The following ELF2 variants were observed in gnomAD, a reference collection of about 807,000 sequenced individuals.
ELF2 encodes the protein ETS-related transcription factor Elf-2.
Under a neutral mutation model 54.8 loss-of-function variants are expected in ELF2, and 11 were observed. The observed-to-expected ratio is 0.20, with a 90% CI of 0.13 to 0.33. ELF2 has a LOEUF of 0.33. Among genes scored for constraint, ELF2 ranks in the 10% least tolerant of loss-of-function variants. The pLI is 1.00. For synonymous variants in ELF2, 203 were observed against 245.1 expected (o/e 0.83, Z 1.61); for missense variants, 513 against 703.0 (o/e 0.73, Z 3.06).
intron 1 of ELF2, among the ~76,000 whole-genome samples, chr4:139,153,802 GTTTAC>G (rs932236480): frequency 4.6e-5 from 7 of 152,170 alleles, no homozygotes; most frequent in Admixed American, 3.9e-4. Context: ...TGATTCCTCT[GTTTAC>G]TTTATCTTAT....
At chr4:139,109,405 G>T (rs1252713316) in intron 4 of ELF2, among the ~76,000 whole-genome samples, 1 of 152,184 alleles carries the variant, frequency 6.6e-6, no homozygotes, top group East Asian at 1.9e-4. Flanking sequence ...TATTAAATGA[G>T]AATTTTAGTC....
chr4:139,166,605 A>G (rs1211858892), intron 1 of ELF2, among the ~76,000 whole-genome samples: 1 of 152,198 alleles, frequency 6.6e-6, no homozygotes, highest in Non-Finnish European at 1.5e-5. Context: ...ACGGTGGCTC[A>G]CGCCTGTAAT....
intron 4 of ELF2, among the ~76,000 whole-genome samples, chr4:139,115,741 A>G (rs978564193): frequency 6.6e-6 from 1 of 152,192 alleles, no homozygotes; most frequent in Non-Finnish European, 1.5e-5. Context: ...TTAAAAGTTT[A>G]TATTTGGCAG....
chr4:139,080,220 T>A (rs1357393056), intron 4 of ELF2, among the ~76,000 whole-genome samples: 2 of 152,232 alleles, frequency 1.3e-5, no homozygotes, highest in East Asian at 3.8e-4. Context: ...TGTAACTCAG[T>A]TTTTACATGA....
intron 7 of ELF2, chr4:139,067,174 C>T (rs973604309): frequency 6.6e-6 from 1 of 151,796 alleles, no homozygotes; most frequent in African/African-American, 2.4e-5. Context: ...GCCTGTGGTC[C>T]CAGCAACTCA....
At chr4:139,084,488 G>A in intron 4 of ELF2, 2 of 978,480 alleles carry the variant, frequency 2.0e-6, no homozygotes, top group Non-Finnish European at 2.5e-6. Flanking sequence ...CGCCGCAGCT[G>A]GCAACGCGAT....
chr4:139,173,892 A>C (rs1453553493), intron 1 of ELF2, among the ~76,000 whole-genome samples: 1 of 151,730 alleles, frequency 6.6e-6, no homozygotes, highest in Admixed American at 6.6e-5. Context: ...GTTCAAGACT[A>C]CCCTGGGTAA....
chr4:139,090,923 T>C (rs984520093), intron 4 of ELF2, among the ~76,000 whole-genome samples: 2 of 149,662 alleles, frequency 1.3e-5, no homozygotes, highest in African/African-American at 5.1e-5. Flanking sequence ...GTTTGTTTTG[T>C]TTTGTTTTGT....
intron 1 of ELF2, among the ~76,000 whole-genome samples, chr4:139,154,491 A>G (rs1186392810): frequency 6.6e-6 from 1 of 152,026 alleles, no homozygotes; most frequent in Non-Finnish European, 1.5e-5. Context: ...CCAAATCACT[A>G]AGCCAAAAGG....
At chr4:139,067,224 A>G (rs1728836615) in intron 7 of ELF2, 1 of 152,704 alleles carries the variant, frequency 6.5e-6, no homozygotes, top group African/African-American at 2.4e-5. Flanking sequence ...CCAGGAGGTC[A>G]AGGCTGCAAT....
chr4:139,115,382 G>A (rs1319792437), intron 4 of ELF2: 6 of 1,040,432 alleles, frequency 5.8e-6, no homozygotes, highest in East Asian at 7.7e-5. Context: ...CATGGCGGCC[G>A]CCGGGGCCAC....
chr4:139,159,531 T>G (rs770348601), intron 1 of ELF2, among the ~76,000 whole-genome samples: 1 of 152,164 alleles, frequency 6.6e-6, no homozygotes, highest in East Asian at 1.9e-4. Context: ...GGGATAGAAG[T>G]TGGAACTCTA....
chr4:139,112,508 T>C (rs1221288901), intron 4 of ELF2, among the ~76,000 whole-genome samples: 5 of 152,226 alleles, frequency 3.3e-5, no homozygotes, highest in African/African-American at 1.2e-4. Context: ...AATGGAGGTA[T>C]GGATTTGCCT....
At chr4:139,102,719 T>C (rs1344796611) in intron 4 of ELF2, among the ~76,000 whole-genome samples, 1 of 150,618 alleles carries the variant, frequency 6.6e-6, no homozygotes, top group African/African-American at 2.4e-5. Flanking sequence ...CGGGCACCTG[T>C]AATCCCAGCT....
At chr4:139,078,651 T>G (rs1730656051) in intron 4 of ELF2, among the ~76,000 whole-genome samples, 1 of 151,652 alleles carries the variant, frequency 6.6e-6, no homozygotes. Context: ...AGAAATTAAG[T>G]TTAAATTAAT....
intron 1 of ELF2, among the ~76,000 whole-genome samples, chr4:139,154,112 G>A (rs1438914075): frequency 6.6e-6 from 1 of 152,128 alleles, no homozygotes; most frequent in Admixed American, 6.6e-5. Flanking sequence ...ATTCAAACTT[G>A]CCTCAGTCAT....
At chr4:139,099,560 A>C (rs193239710) in intron 4 of ELF2, among the ~76,000 whole-genome samples, 105 of 152,328 alleles carry the variant, frequency 6.9e-4, no homozygotes, top group Middle Eastern at 3.4e-3. Flanking sequence ...ACAGAAGTAC[A>C]CAACTACCAC....
chr4:139,130,393 A>G (rs1431514301), intron 3 of ELF2, among the ~76,000 whole-genome samples: 2 of 152,166 alleles, frequency 1.3e-5, no homozygotes, highest in East Asian at 1.9e-4. Flanking sequence ...ATTTCCCTAC[A>G]TTACTTAACA....
intron 1 of ELF2, among the ~76,000 whole-genome samples, chr4:139,169,875 A>AG (rs1472531567): frequency 2.8e-4 from 43 of 151,606 alleles, no homozygotes; most frequent in African/African-American, 9.9e-4. Flanking sequence ...AAAAAAAAAA[A>AG]AGCTATGTCT....
Sources: gnomAD v4.1 joint callset for allele counts (sites outside exome capture counted in the v4.1 genomes callset) on GRCh38, gnomAD v4.1.1 for gene constraint, MANE v1.5 for transcripts, NCBI Gene and HGNC (gene_info 2026-07-23, HGNC 2026-07-21) for gene names.